Variants in CDH23 observed in about 807,000 individuals in gnomAD.
CDH23 encodes the protein cadherin related 23.
Under a neutral mutation model 317.1 loss-of-function variants are expected in CDH23, and 189 were observed. That is an observed-to-expected ratio of 0.60 (90% CI 0.53 to 0.67). CDH23 has a LOEUF of 0.67. Ranked by LOEUF, CDH23 falls within the 30% of genes least tolerant of loss-of-function variation. The pLI is 0.00. For missense variants in CDH23, 4,401 were observed against 4,592.4 expected (o/e 0.96, Z 1.20); for synonymous variants, 1,839 against 1,876.8 (o/e 0.98, Z 0.52).
chr10:71,697,073 TG>T (rs1301433970), intron 22 of CDH23, among the ~76,000 whole-genome samples: 1 of 152,206 alleles, frequency 6.6e-6, no homozygotes, highest in Non-Finnish European at 1.5e-5. Context: ...AAGGTTGCTC[TG>T]GGAAAAGGGG....
chr10:71,525,666 G>C (rs540932435), intron 6 of CDH23, among the ~76,000 whole-genome samples: 143 of 152,294 alleles, frequency 9.4e-4, no homozygotes, highest in African/African-American at 3.2e-3. Context: ...GAGATGGCAG[G>C]TACGGGGTGC....
chr10:71,435,764 G>T (rs552472664), intron 1 of CDH23, among the ~76,000 whole-genome samples: 1 of 152,336 alleles, frequency 6.6e-6, no homozygotes, highest in South Asian at 2.1e-4. Context: ...AAGTGAGGAG[G>T]CCAGGAGGCT....
intron 38 of CDH23, chr10:71,760,998 G>T (rs375563247): frequency 1.4e-6 from 2 of 1,463,000 alleles, no homozygotes; most frequent in Non-Finnish European, 1.9e-6. Context: ...CCAGGCCAGT[G>T]TCCCCCTCCT....
chr10:71,789,018 G>C lies in CDH23; in HGVS notation c.5899G>C (p.Glu1967Gln). The change falls in exon 45 of 70, where the codon GAG becomes CAG. Residue 1967 changes from glutamate (E) to glutamine (Q), a missense_variant. This residue lies in a region of CDH23 where 3,068 missense variants were observed against 3,203.3 expected (regional missense o/e 0.96). Coordinates refer to ENST00000224721, the MANE Select transcript of CDH23 (RefSeq NM_022124.6). The stretch of plus-strand genomic sequence containing the variant: ...CTTCACTAAAAGCACCTACCAGGCA[G>C]AGGTGATGGAAAACTCTCCCGCTGG... ...PLFTKSTYQA[E>Q]VMENSPAGTP... 1 of 1,588,686 alleles carries C rather than the reference G, an allele frequency of 6.3e-7. No homozygotes were observed. The highest frequency in any genetic ancestry group is 8.6e-7 in the Non-Finnish European group (1 of 1,156,946).
chr10:71,726,191 C>A (rs971880496), intron 30 of CDH23, among the ~76,000 whole-genome samples: 4 of 152,108 alleles, frequency 2.6e-5, no homozygotes, highest in Non-Finnish European at 5.9e-5. Flanking sequence ...GGCCGCTTCA[C>A]CCCCACCCCT....
At chr10:71,741,054 C>T (rs914736577) in intron 37 of CDH23, 104 bp downstream of exon 37, 27 of 1,342,026 alleles carry the variant, frequency 2.0e-5, no homozygotes, top group Non-Finnish European at 2.6e-5. Flanking sequence ...CCACTGGTCC[C>T]TCAGATCTCA....
At position 71,784,428 on chromosome 10, in the gene CDH23, T is replaced by C; in HGVS notation, c.5502+8T>C. 1.2e-6 allele frequency: 2 copies of C among 1,611,328 alleles called. No individual in the cohort carries two copies. Among genetic ancestry groups the C allele is most frequent in the Non-Finnish European group, 1.7e-6 (2 of 1,178,438 alleles). On this transcript the variant is annotated splice_region_variant and intron_variant, in intron 42 of 69. Transcript: ENST00000224721. Reference sequence around the variant, plus strand: ...CCCCCACTCAGCTCCACAGTGAGTCTGGGGGCCCCACCCGCTGGCTTCACC... The same window carrying C: ...CCCCCACTCAGCTCCACAGTGAGTCCGGGGGCCCCACCCGCTGGCTTCACC...
intron 36 of CDH23, among the ~76,000 whole-genome samples, chr10:71,740,093 C>T (rs1839692753): frequency 6.6e-6 from 1 of 152,154 alleles, no homozygotes; most frequent in Non-Finnish European, 1.5e-5. Flanking sequence ...TACAGTGTGG[C>T]CTTGGACAGG....
At chr10:71,571,791 T>C (rs949163301) in intron 8 of CDH23, among the ~76,000 whole-genome samples, 1 of 152,240 alleles carries the variant, frequency 6.6e-6, no homozygotes, top group Non-Finnish European at 1.5e-5. Context: ...GAGAACTCAG[T>C]GTGCTTAAAG....
At chr10:71,568,349 C>G (rs1278038900) in intron 7 of CDH23, among the ~76,000 whole-genome samples, 1 of 152,238 alleles carries the variant, frequency 6.6e-6, no homozygotes, top group African/African-American at 2.4e-5. Flanking sequence ...CTCCACCGCA[C>G]TGTTTGCACA....
At chr10:71,736,805 G>C (rs185800223) in intron 34 of CDH23, among the ~76,000 whole-genome samples, 14 of 152,348 alleles carry the variant, frequency 9.2e-5, no homozygotes, top group Non-Finnish European at 1.0e-4. Context: ...GTACGATACA[G>C]TGAGGGAAAG....
chr10:71,507,322 T>C (rs1168514197), intron 3 of CDH23, among the ~76,000 whole-genome samples: 1 of 152,176 alleles, frequency 6.6e-6, no homozygotes, highest in Non-Finnish European at 1.5e-5. Flanking sequence ...GGAAAAGAAA[T>C]GTATACTCCT....
At chr10:71,701,149 G>A (rs1379104103) in intron 22 of CDH23, among the ~76,000 whole-genome samples, 1 of 152,198 alleles carries the variant, frequency 6.6e-6, no homozygotes, top group Non-Finnish European at 1.5e-5. Context: ...GAGCCTCCAG[G>A]CTGGGAGCTG....
chr10:71,401,648 G>T (rs938188114), intron 1 of CDH23, among the ~76,000 whole-genome samples: 1 of 152,162 alleles, frequency 6.6e-6, no homozygotes, highest in Non-Finnish European at 1.5e-5. Flanking sequence ...AAAGAGTAAA[G>T]CATGTAACAC....
At chr10:71,531,085 C>A (rs189731837) in intron 6 of CDH23, among the ~76,000 whole-genome samples, 1 of 152,374 alleles carries the variant, frequency 6.6e-6, no homozygotes, top group Non-Finnish European at 1.5e-5. Context: ...GCCATTTGCA[C>A]CACATGGTTC....
intron 38 of CDH23, among the ~76,000 whole-genome samples, chr10:71,774,206 C>T (rs1417284944): frequency 6.6e-6 from 1 of 150,932 alleles, no homozygotes; most frequent in Non-Finnish European, 1.5e-5. Context: ...TCCCCTCCGG[C>T]AGAGGCCTCA....
chr10:71,695,669 C>T (rs916833643), intron 22 of CDH23, 144 bp downstream of exon 22: 10 of 631,616 alleles, frequency 1.6e-5, no homozygotes, highest in East Asian at 8.2e-5. Context: ...AGAGTTCTAG[C>T]GGTTCTCCTG....
intron 3 of CDH23, among the ~76,000 whole-genome samples, chr10:71,459,552 G>A (rs1265819236): frequency 2.0e-5 from 3 of 152,178 alleles, no homozygotes; most frequent in Admixed American, 6.5e-5. Flanking sequence ...GTGCTGCCAC[G>A]TAAATATGTG....
intron 14 of CDH23, among the ~76,000 whole-genome samples, chr10:71,650,729 C>G (rs1863129505): frequency 6.6e-6 from 1 of 152,192 alleles, no homozygotes. Flanking sequence ...TTTATTCCCT[C>G]TCATATCCCA....
Sources: allele counts gnomAD v4.1 joint callset (sites outside exome capture counted in the v4.1 genomes callset), GRCh38; gene constraint gnomAD v4.1.1; regional missense constraint gnomAD v4.1.1; transcripts MANE v1.5; gene names NCBI Gene and HGNC (gene_info 2026-07-23, HGNC 2026-07-21).